Variants in LRIG1 observed in about 807,000 individuals in gnomAD.
The protein encoded by LRIG1 is leucine-rich repeats and immunoglobulin-like domains protein 1.
Under a neutral mutation model 99.2 loss-of-function variants are expected in LRIG1, and 48 were observed. The ratio of observed to expected loss-of-function variants is 0.48; its 90% CI spans 0.38 to 0.62. The LOEUF is 0.62. Ranked by LOEUF, LRIG1 falls within the 20% of genes least tolerant of loss-of-function variation. The pLI is 0.00. For missense variants in LRIG1, 1,646 were observed against 1,434.4 expected (o/e 1.15, Z -2.38); for synonymous variants, 772 against 596.1 (o/e 1.29, Z -4.30).
At position 66,380,573 on chromosome 3, in the gene LRIG1, T is replaced by C; in HGVS notation, c.3055+4A>G. 6.2e-7 allele frequency: 1 copy of C among 1,613,428 alleles called. No homozygotes were observed. The highest frequency in any genetic ancestry group is 8.5e-7 in the Non-Finnish European group (1 of 1,179,380). On this transcript the variant is annotated splice_donor_region_variant and intron_variant, in intron 18 of 18. Transcript: ENST00000273261. The stretch of plus-strand genomic sequence containing the variant: ...CCACCTGTTAGAAGACAGTCAAAAG[T>C]TACCTTTCCCATCTAGAGATGCCAT...
At chr3:66,419,752 C>T (rs1479155830) in intron 3 of LRIG1, among the ~76,000 whole-genome samples, 1 of 152,136 alleles carries the variant, frequency 6.6e-6, no homozygotes, top group East Asian at 1.9e-4. Context: ...ACCCTACCAG[C>T]TCCACCCTCT....
intron 13 of LRIG1, among the ~76,000 whole-genome samples, chr3:66,385,080 T>C (rs774349234): frequency 1.8e-4 from 28 of 152,298 alleles, no homozygotes; most frequent in Non-Finnish European, 3.7e-4. Flanking sequence ...ACTAGAGAGT[T>C]AGTAATCAGG....
chr3:66,450,805 G>A (rs1703881137), intron 3 of LRIG1, among the ~76,000 whole-genome samples: 1 of 152,174 alleles, frequency 6.6e-6, no homozygotes, highest in African/African-American at 2.4e-5. Flanking sequence ...GTGCTCTGCT[G>A]GGGAAGCTGC....
chr3:66,466,796 CA>C lies in LRIG1; in HGVS notation c.219-4288del, dbSNP rs1157883740. Among the ~76,000 whole-genome samples, 3 of 152,290 alleles carry C rather than the reference CA, an allele frequency of 2.0e-5. No homozygotes were observed. In the East Asian group the frequency reaches 5.8e-4, roughly 29 times the overall value. ...AGTTGAAGGTTTCAAATTCTCCTGT[CA>C]AAACAATTCATCTGTCAGTAGGAAA... On this transcript the variant is annotated intron_variant, in intron 1 of 18. Coordinates refer to ENST00000273261, the MANE Select transcript of LRIG1 (RefSeq NM_015541.3).
chr3:66,485,266 G>C (rs180960259), intron 1 of LRIG1, among the ~76,000 whole-genome samples: 21 of 152,232 alleles, frequency 1.4e-4, no homozygotes, highest in African/African-American at 4.8e-4. Flanking sequence ...GGTGGGGGCA[G>C]TGGGTCACTG....
intron 3 of LRIG1, among the ~76,000 whole-genome samples, chr3:66,419,836 G>T (rs1230467298): frequency 3.3e-5 from 5 of 152,074 alleles, no homozygotes. Context: ...CCCTGCCCTG[G>T]TGGGGGCTGG....
In LRIG1 at chr3:66,398,020, T is replaced by G. The variant is rs186598484; in HGVS notation, c.1304+92A>C. 333 of 1,060,454 alleles carry G rather than the reference T, an allele frequency of 3.1e-4. 1 individual carries two copies. The East Asian group carries it at 7.7e-3, about 25-fold the overall frequency. The allele number at this position is 1,060,454 out of a possible 1,614,324, so 65.7% of individuals were successfully genotyped here. Reference sequence around the variant, plus strand: ...AATCCAAAATATGTACCATGTGAACTTTTAACAAGTGAGCATAATGCAATT... The same window carrying G: ...AATCCAAAATATGTACCATGTGAACGTTTAACAAGTGAGCATAATGCAATT... On this transcript the variant is annotated intron_variant, in intron 11 of 18. Transcript: ENST00000273261.
chr3:66,410,035 AGGCCACT>A (rs1437050847), intron 7 of LRIG1, 87 bp downstream of exon 7: 2 of 1,351,838 alleles, frequency 1.5e-6, no homozygotes, highest in African/African-American at 2.9e-5. Flanking sequence ...GCCCTCCCCG[AGGCCACT>A]GTGTGGTGGA....
At position 66,412,924 on chromosome 3, in the gene LRIG1, G is replaced by A. The variant is rs1305613768; in HGVS notation, c.738C>T (p.Asn246=). Residue 246 remains asparagine, a synonymous_variant, in exon 6 of 19, where the codon AAC becomes AAT. Transcript: ENST00000273261. ...AGGCCCCATCTGTCAGTTTGCTGAT[G>A]TTGTTTCGCTGAAGCTTCAGCACCT... is the stretch of plus-strand genomic sequence containing the variant. ...SLEVLKLQRN[N]ISKLTDGAFW... is the part of the protein sequence containing the mutation. 3.7e-6 allele frequency: 6 copies of A among 1,614,092 alleles called. No homozygotes were observed. In the African/African-American group the frequency reaches 5.3e-5, roughly 14 times the overall value.
chr3:66,494,279 T>C (rs1701178891), intron 1 of LRIG1, among the ~76,000 whole-genome samples: 2 of 152,252 alleles, frequency 1.3e-5, no homozygotes, highest in African/African-American at 4.8e-5. Context: ...AGACTGGAGG[T>C]GCCAGGGATG....
At chr3:66,449,157 G>A (rs954755533) in intron 3 of LRIG1, among the ~76,000 whole-genome samples, 2 of 152,156 alleles carry the variant, frequency 1.3e-5, no homozygotes, top group East Asian at 1.9e-4. Context: ...TCCTTTGCAC[G>A]GTCCACTTGG....
rs1023083643 is a variant in LRIG1 at position 66,409,880 on chromosome 3, G to A, written c.935+249C>T. Reference sequence around the variant, plus strand: ...CTTGGGGGCCAAGGCTCCCTGCAGGGACCTAGCTGCTACTCCTGGAGCCCC... The same window carrying A: ...CTTGGGGGCCAAGGCTCCCTGCAGGAACCTAGCTGCTACTCCTGGAGCCCC... On this transcript the variant is annotated intron_variant, in intron 7 of 18. Coordinates refer to ENST00000273261, the MANE Select transcript of LRIG1 (RefSeq NM_015541.3). 12 of 422,832 alleles carry A rather than the reference G, an allele frequency of 2.8e-5. 1 individual carries two copies. In the Admixed American group the frequency reaches 4.5e-4, roughly 16 times the overall value. 26.2% of individuals were successfully genotyped at this position (422,832 alleles called of 1,614,324 possible). A position where few individuals can be genotyped will look rare whatever the true frequency, so the allele number is the denominator to read the frequency against.
intron 12 of LRIG1, 103 bp from the exon 13 acceptor site, chr3:66,386,404 C>T (rs1575647631): frequency 2.0e-6 from 2 of 1,011,260 alleles, no homozygotes; most frequent in African/African-American, 1.6e-5. Context: ...CAAGCAGGAA[C>T]CAGAGCTTGA....
intron 2 of LRIG1, among the ~76,000 whole-genome samples, chr3:66,455,922 G>A (rs1235252987): frequency 6.6e-6 from 1 of 152,216 alleles, no homozygotes; most frequent in African/African-American, 2.4e-5. Flanking sequence ...CTATGTGCCA[G>A]ACTCTGTCCT....
intron 3 of LRIG1, among the ~76,000 whole-genome samples, chr3:66,448,844 C>A (rs941926472): frequency 2.6e-5 from 4 of 152,202 alleles, no homozygotes; most frequent in African/African-American, 9.6e-5. Flanking sequence ...CTATTAACTA[C>A]CACATTTTCA....
At chr3:66,494,272 C>A (rs1189297278) in intron 1 of LRIG1, among the ~76,000 whole-genome samples, 2 of 152,212 alleles carry the variant, frequency 1.3e-5, no homozygotes, top group Non-Finnish European at 2.9e-5. Context: ...TAGCTGTAGA[C>A]TGGAGGTGCC....
intron 3 of LRIG1, among the ~76,000 whole-genome samples, chr3:66,432,322 G>C (rs1024969125): frequency 1.3e-5 from 2 of 152,218 alleles, no homozygotes; most frequent in African/African-American, 4.8e-5. Flanking sequence ...GCGGCCTCCA[G>C]GAAGTGGTTC....
intron 17 of LRIG1, 124 bp downstream of exon 17, chr3:66,381,355 A>T: frequency 3.2e-6 from 3 of 923,858 alleles, no homozygotes; most frequent in African/African-American, 1.6e-5. Context: ...CCCTGTATAT[A>T]CTGAATACCA....
At chr3:66,468,897 G>T (rs1333295582) in intron 1 of LRIG1, 2 of 152,194 alleles carry the variant, frequency 1.3e-5, no homozygotes, top group African/African-American at 4.8e-5. Context: ...AAGCTCCAAT[G>T]AAATCACCAC....
Sources: gnomAD v4.1 joint callset for allele counts (sites outside exome capture counted in the v4.1 genomes callset) on GRCh38, gnomAD v4.1.1 for gene constraint, MANE v1.5 for transcripts, NCBI Gene and HGNC (gene_info 2026-07-23, HGNC 2026-07-21) for gene names.